SLC22A2: variants seen among roughly 807,000 people sequenced by gnomAD.
The protein encoded by SLC22A2 is solute carrier family 22 member 2.
In SLC22A2, 46 loss-of-function variants were observed where a neutral mutation model predicts 60.5. That is an observed-to-expected ratio of 0.76 (90% CI 0.60 to 0.97). The LOEUF is 0.97. Ranked by LOEUF, SLC22A2 falls within the 50% of genes least tolerant of loss-of-function variation. The pLI is 0.00. For synonymous variants in SLC22A2, 303 were observed against 267.0 expected (o/e 1.13, Z -1.31); for missense variants, 701 against 706.6 (o/e 0.99, Z 0.09).
At chr6:160,245,334 T>TG in intron 6 of SLC22A2, 105 bp downstream of exon 6, 1 of 604,248 alleles carries the variant, frequency 1.7e-6, no homozygotes, top group East Asian at 3.0e-5. Flanking sequence ...CTGCCCACCG[T>TG]CAGCGCTAAT....
Position 160,250,706 on chromosome 6 carries a change from C to A in SLC22A2, c.519-4G>T. ...GAGGCAGAGCTTACGGCCAAACCTG[C>A]AGGAAGAAAAACAAAGAGAGGGAAT... On this transcript the variant is annotated splice_region_variant and splice_polypyrimidine_tract_variant and intron_variant, in intron 2 of 10. Transcript: ENST00000366953. 1.9e-6 allele frequency: 3 copies of A among 1,612,138 alleles called. No individual in the cohort carries two copies. Among genetic ancestry groups the A allele is most frequent in the Non-Finnish European group, 2.5e-6 (3 of 1,178,960 alleles).
At chr6:160,231,483 A>T (rs1212647507) in intron 9 of SLC22A2, among the ~76,000 whole-genome samples, 1 of 151,780 alleles carries the variant, frequency 6.6e-6, no homozygotes, top group Non-Finnish European at 1.5e-5. Flanking sequence ...CTCAGCGCCA[A>T]TATCTCATCC....
intron 4 of SLC22A2, among the ~76,000 whole-genome samples, chr6:160,247,740 G>A (rs1021001977): frequency 7.9e-5 from 12 of 152,346 alleles, no homozygotes; most frequent in East Asian, 3.9e-4. Context: ...TAACTGAAAA[G>A]CGAGACTTCA....
intron 2 of SLC22A2, 136 bp from the exon 3 acceptor site, chr6:160,250,838 C>A: frequency 1.2e-6 from 1 of 805,534 alleles, no homozygotes; most frequent in Non-Finnish European, 2.0e-6. Context: ...GAGGCACAGA[C>A]TGATAGCCAC....
intron 9 of SLC22A2, among the ~76,000 whole-genome samples, chr6:160,234,874 T>G (rs966821153): frequency 6.6e-6 from 1 of 152,228 alleles, no homozygotes; most frequent in Non-Finnish European, 1.5e-5. Flanking sequence ...AGGGAATGAA[T>G]CCTTTCTGGT....
Position 160,224,816 on chromosome 6 carries a change from AC to A in SLC22A2, c.1502-13del, listed in dbSNP as rs1264775778. 6.8e-7 allele frequency: 1 copy of A among 1,477,424 alleles called. No individual in the cohort carries two copies. Among genetic ancestry groups the A allele is most frequent in the South Asian group, 1.3e-5 (1 of 78,340 alleles). The allele number at this position is 1,477,424 out of a possible 1,614,324, so 91.5% of individuals were successfully genotyped here. ...CAAGCCAAGCACGCCTGAAAGCCAA[AC>A]AGATGAATATCACATTAAGAACTGA... On this transcript the variant is annotated splice_polypyrimidine_tract_variant and intron_variant, in intron 9 of 10. Transcript: ENST00000366953.
intron 3 of SLC22A2, among the ~76,000 whole-genome samples, chr6:160,250,210 C>A (rs935264005): frequency 3.3e-5 from 5 of 152,148 alleles, no homozygotes; most frequent in South Asian, 2.1e-4. Context: ...TCTACTATAT[C>A]TCTCATCACT....
chr6:160,222,999 C>T (rs752778587), intron 10 of SLC22A2, among the ~76,000 whole-genome samples: 5 of 152,182 alleles, frequency 3.3e-5, no homozygotes, highest in Non-Finnish European at 5.9e-5. Flanking sequence ...AGGCCTCTTC[C>T]AACTCTAAGA....
intron 10 of SLC22A2, among the ~76,000 whole-genome samples, chr6:160,224,244 G>A (rs563325557): frequency 3.3e-5 from 5 of 151,586 alleles, no homozygotes; most frequent in Admixed American, 3.3e-4. Flanking sequence ...ATATATTTAA[G>A]AGCTGTTTTT....
chr6:160,237,958 G>A (rs1049543739), intron 9 of SLC22A2, among the ~76,000 whole-genome samples: 2 of 152,182 alleles, frequency 1.3e-5, no homozygotes, highest in Non-Finnish European at 2.9e-5. Context: ...GCAACATCAG[G>A]AAGTTACCTT....
intron 9 of SLC22A2, among the ~76,000 whole-genome samples, chr6:160,238,969 A>G (rs1487972241): frequency 6.6e-6 from 1 of 152,108 alleles, no homozygotes; most frequent in Non-Finnish European, 1.5e-5. Context: ...CATTCCCAGG[A>G]GGTTAGGCAT....
intron 5 of SLC22A2, 103 bp from the exon 6 acceptor site, chr6:160,245,648 C>CATG: frequency 3.6e-6 from 2 of 563,056 alleles, no homozygotes; most frequent in South Asian, 6.0e-5. Flanking sequence ...GCGCCCATCT[C>CATG]ATGCCCAGCA....
intron 10 of SLC22A2, among the ~76,000 whole-genome samples, chr6:160,221,326 A>G (rs961491034): frequency 6.6e-6 from 1 of 152,228 alleles, no homozygotes; most frequent in African/African-American, 2.4e-5. Context: ...ATATAATGGA[A>G]AAGAGTTAGG....
intron 10 of SLC22A2, among the ~76,000 whole-genome samples, chr6:160,220,032 T>G (rs2114847718): frequency 6.6e-6 from 1 of 152,306 alleles, no homozygotes; most frequent in Middle Eastern, 3.4e-3. Flanking sequence ...AATATGAAGT[T>G]TTCAATGTTG....
chr6:160,253,220 G>A (rs1712724986), intron 2 of SLC22A2, among the ~76,000 whole-genome samples: 1 of 152,156 alleles, frequency 6.6e-6, no homozygotes, highest in African/African-American at 2.4e-5. Flanking sequence ...GCAGCTCAGA[G>A]GAGTCTGTTC....
chr6:160,239,923 C>A (rs1782971236), intron 9 of SLC22A2, among the ~76,000 whole-genome samples: 1 of 151,984 alleles, frequency 6.6e-6, no homozygotes, highest in Admixed American at 6.6e-5. Context: ...GAAAATTTTC[C>A]CCCTCACAAA....
chr6:160,246,329 T>C (rs572011846), intron 5 of SLC22A2, among the ~76,000 whole-genome samples: 3 of 152,302 alleles, frequency 2.0e-5, no homozygotes, highest in African/African-American at 7.2e-5. Flanking sequence ...ATCTTCTCTT[T>C]TCTACCCGCT....
intron 9 of SLC22A2, among the ~76,000 whole-genome samples, chr6:160,235,816 C>A (rs1166842682): frequency 6.6e-6 from 1 of 151,924 alleles, no homozygotes; most frequent in Non-Finnish European, 1.5e-5. Flanking sequence ...TAATAGTACA[C>A]TAATGTAAAA....
At chr6:160,244,790 G>A (rs1458519758) in intron 6 of SLC22A2, 3 of 152,186 alleles carry the variant, frequency 2.0e-5, no homozygotes, top group Admixed American at 1.3e-4. Context: ...TTGCCTGGGT[G>A]GAGATCCAAT....
Sources: gnomAD v4.1 joint callset for allele counts (sites outside exome capture counted in the v4.1 genomes callset) on GRCh38, gnomAD v4.1.1 for gene constraint, MANE v1.5 for transcripts, NCBI Gene and HGNC (gene_info 2026-07-23, HGNC 2026-07-21) for gene names.